The following COL25A1 variants were observed in gnomAD, a reference collection of about 807,000 sequenced individuals.
The protein encoded by COL25A1 is collagen alpha-1(XXV) chain.
COL25A1 carries 103 observed loss-of-function variants against 128.4 expected under a neutral mutation model. The observed-to-expected ratio is 0.80, with a 90% confidence interval of 0.68 to 0.94. The LOEUF (loss-of-function observed/expected upper bound fraction) is 0.94. COL25A1 is among the 40% of genes least tolerant of loss of function. The pLI is 0.00. For synonymous variants in COL25A1, 279 were observed against 277.2 expected, an observed-to-expected ratio of 1.01 and a Z score of -0.06; for missense variants, 745 against 840.0, an observed-to-expected ratio of 0.89 and a Z score of 1.40.
intron 6 of COL25A1, among the ~76,000 whole-genome samples, chr4:108,983,720 A>T (rs566617454): frequency 1.4e-4 from 21 of 151,508 alleles, no homozygotes; most frequent in Non-Finnish European, 2.2e-4. Flanking sequence ...GGACCTTCGC[A>T]GTGAGTGTTA....
At chr4:109,074,449 T>TA (rs1257086630) in intron 3 of COL25A1, among the ~76,000 whole-genome samples, 2 of 152,242 alleles carry the variant, frequency 1.3e-5, no homozygotes, top group Non-Finnish European at 2.9e-5. Flanking sequence ...AATAAGCAAC[T>TA]ACTCTTAAAA....
At chr4:108,942,182 G>C in intron 8 of COL25A1, 1 of 1,548,014 alleles carries the variant, frequency 6.5e-7, no homozygotes, top group East Asian at 2.4e-5. Context: ...ATTTCTGACT[G>C]TGCAGGCATG....
chr4:108,972,310 A>C (rs1482115937), intron 8 of COL25A1, among the ~76,000 whole-genome samples: 2 of 152,226 alleles, frequency 1.3e-5, no homozygotes, highest in Admixed American at 6.5e-5. Flanking sequence ...CATCATCAGC[A>C]AGAATACCGT....
intron 14 of COL25A1, among the ~76,000 whole-genome samples, chr4:108,900,486 G>C (rs961551121): frequency 6.6e-6 from 1 of 152,112 alleles, no homozygotes; most frequent in Non-Finnish European, 1.5e-5. Context: ...ACTCATCAAA[G>C]GATTTGGGAT....
chr4:109,124,445 CCTTA>C (rs2126058936), intron 3 of COL25A1, among the ~76,000 whole-genome samples: 1 of 152,072 alleles, frequency 6.6e-6, no homozygotes, highest in East Asian at 1.9e-4. Context: ...TACAACCTCT[CCTTA>C]CTAATACACA....
chr4:109,051,691 A>G lies in COL25A1; in HGVS notation c.368-1512T>C, dbSNP rs374779178. Reference sequence around the variant, plus strand: ...TAAAACTTCCTTAAGACTAAGAATTATATTTTTTCTAGTATAACATCACTT... The same window carrying G: ...TAAAACTTCCTTAAGACTAAGAATTGTATTTTTTCTAGTATAACATCACTT... On this transcript the variant is annotated intron_variant, in intron 3 of 37. Transcript: ENST00000399132. Among the ~76,000 whole-genome samples, 3 of 152,146 alleles carry G rather than the reference A, an allele frequency of 2.0e-5. No homozygotes were observed. In the South Asian group the frequency reaches 6.2e-4, roughly 32 times the overall value.
At chr4:108,975,398 G>A (rs1490515522) in intron 6 of COL25A1, among the ~76,000 whole-genome samples, 2 of 152,248 alleles carry the variant, frequency 1.3e-5, no homozygotes, top group Non-Finnish European at 2.9e-5. Context: ...GGAGGTTGAG[G>A]TGAGCTGAGA....
intron 3 of COL25A1, among the ~76,000 whole-genome samples, chr4:109,124,662 G>A (rs1268889241): frequency 2.6e-5 from 4 of 151,806 alleles, no homozygotes; most frequent in Non-Finnish European, 4.4e-5. Flanking sequence ...TACAGCAGAT[G>A]TCCAACAATA....
intron 3 of COL25A1, among the ~76,000 whole-genome samples, chr4:109,083,773 A>G (rs1764101260): frequency 6.6e-6 from 1 of 152,154 alleles, no homozygotes; most frequent in Non-Finnish European, 1.5e-5. Context: ...CCTAAATAAA[A>G]TATTTTATAC....
chr4:109,005,975 A>C (rs1486165424), intron 6 of COL25A1, among the ~76,000 whole-genome samples: 1 of 152,178 alleles, frequency 6.6e-6, no homozygotes, highest in East Asian at 1.9e-4. Context: ...TATAAAATCA[A>C]AGAAATCAAA....
At chr4:109,025,928 T>C (rs1249238474) in intron 5 of COL25A1, among the ~76,000 whole-genome samples, 1 of 152,036 alleles carries the variant, frequency 6.6e-6, no homozygotes, top group East Asian at 1.9e-4. Flanking sequence ...ACTATGAACA[T>C]GGGTTTATTT....
intron 3 of COL25A1, among the ~76,000 whole-genome samples, chr4:109,226,770 A>G (rs1257470123): frequency 1.3e-5 from 2 of 152,180 alleles, no homozygotes; most frequent in African/African-American, 4.8e-5. Flanking sequence ...GGGAAACATA[A>G]AAACATGGCA....
intron 8 of COL25A1, among the ~76,000 whole-genome samples, chr4:108,972,339 G>A (rs1009259664): frequency 5.3e-5 from 8 of 152,116 alleles, no homozygotes; most frequent in African/African-American, 1.9e-4. Flanking sequence ...AGAGAATGTG[G>A]GTAAAATTAA....
At chr4:109,281,729 A>G (rs2126275598) in intron 3 of COL25A1, among the ~76,000 whole-genome samples, 1 of 152,310 alleles carries the variant, frequency 6.6e-6, no homozygotes, top group African/African-American at 2.4e-5. Flanking sequence ...GCCACTTCCA[A>G]GTTGTTAAAT....
intron 3 of COL25A1, among the ~76,000 whole-genome samples, chr4:109,062,571 A>G (rs973304548): frequency 9.6e-6 from 1 of 104,582 alleles, no homozygotes; most frequent in African/African-American, 3.1e-5. Context: ...TAAATTCTGT[A>G]CACAAAGCTT....
At chr4:108,971,869 G>A (rs1044071396) in intron 8 of COL25A1, among the ~76,000 whole-genome samples, 6 of 152,216 alleles carry the variant, frequency 3.9e-5, no homozygotes, top group Admixed American at 6.5e-5. Context: ...AGAAGAGAGA[G>A]ATAAGTGGAC....
intron 6 of COL25A1, among the ~76,000 whole-genome samples, chr4:109,007,696 T>C (rs1324388008): frequency 6.6e-6 from 1 of 152,198 alleles, no homozygotes; most frequent in Non-Finnish European, 1.5e-5. Context: ...CATTTGAAAA[T>C]GCTGGTCCCA....
At chr4:109,238,809 T>G (rs766979141) in intron 3 of COL25A1, among the ~76,000 whole-genome samples, 21 of 151,998 alleles carry the variant, frequency 1.4e-4, no homozygotes, top group Admixed American at 7.2e-4. Context: ...GTCTGCCAAC[T>G]TGCACCCCAT....
intron 3 of COL25A1, among the ~76,000 whole-genome samples, chr4:109,202,888 A>G (rs533158286): frequency 1.3e-5 from 2 of 152,294 alleles, no homozygotes; most frequent in African/African-American, 4.8e-5. Context: ...CGAGAGGGAT[A>G]TCTACATCTG....
Sources: gnomAD v4.1 joint callset for allele counts (sites outside exome capture counted in the v4.1 genomes callset) on GRCh38, gnomAD v4.1.1 for gene constraint, MANE v1.5 for transcripts, NCBI Gene and HGNC (gene_info 2026-07-23, HGNC 2026-07-21) for gene names.